PCDH15: variants seen among roughly 807,000 people sequenced by gnomAD.
The protein encoded by PCDH15 is protocadherin-15.
PCDH15 carries 129 observed loss-of-function variants against 178.5 expected under a neutral mutation model. The ratio of observed to expected loss-of-function variants is 0.72; its 90% CI spans 0.63 to 0.84. PCDH15 has a LOEUF of 0.84. Ranked by LOEUF, PCDH15 falls within the 40% of genes least tolerant of loss-of-function variation. The probability of loss-of-function intolerance (pLI) is 0.00; values close to 1 mark genes in which losing one functional copy is unlikely to be tolerated. For missense variants in PCDH15, 2,230 were observed against 2,099.9 expected (o/e 1.06, Z -1.21); for synonymous variants, 800 against 732.0 (o/e 1.09, Z -1.50).
chr10:55,467,357 C>T lies in PCDH15; in HGVS notation c.-156+160268G>A, dbSNP rs191820456. On this transcript the variant is annotated intron_variant, in intron 2 of 5. Transcript: ENST00000613346. ...AAAGGAAACAGGAGGAAAAGAAAAG[C>T]CTGATCTTGGCCTGACTTTTTTTTT... Among the ~76,000 whole-genome samples the T allele has an allele frequency of 6.8e-4, 99 of 146,354 alleles. 1 individual carries two copies. The highest frequency in any genetic ancestry group is 1.7e-3 in the Admixed American group (25 of 14,470).
At chr10:55,481,214 G>C (rs1387708242) in intron 2 of PCDH15, among the ~76,000 whole-genome samples, 1 of 151,488 alleles carries the variant, frequency 6.6e-6, no homozygotes, top group Non-Finnish European at 1.5e-5. Flanking sequence ...GTATTTATTT[G>C]AATCTTTTCT....
intron 2 of PCDH15, among the ~76,000 whole-genome samples, chr10:55,079,901 A>C (rs573303847): frequency 6.6e-6 from 1 of 152,064 alleles, no homozygotes; most frequent in Non-Finnish European, 1.5e-5. Context: ...GGACTGGTAA[A>C]GATAAACTGA....
chr10:55,399,540 T>G (rs528893914), intron 2 of PCDH15, among the ~76,000 whole-genome samples: 10 of 152,286 alleles, frequency 6.6e-5, no homozygotes, highest in Admixed American at 5.9e-4. Context: ...TGACAAATTC[T>G]GCTTCAATCC....
intron 2 of PCDH15, among the ~76,000 whole-genome samples, chr10:55,105,818 T>C (rs1007088198): frequency 6.6e-6 from 1 of 152,118 alleles, no homozygotes; most frequent in Non-Finnish European, 1.5e-5. Context: ...CATTTTCTTC[T>C]TGAAAAAAAA....
chr10:54,209,678 G>A (rs146686841), intron 10 of PCDH15, among the ~76,000 whole-genome samples: 384 of 152,160 alleles, frequency 2.5e-3, no homozygotes, highest in Non-Finnish European at 4.1e-3. Flanking sequence ...AAAGATGTCC[G>A]TAGGCATCAG....
chr10:55,385,576 C>G (rs972439437), intron 2 of PCDH15, among the ~76,000 whole-genome samples: 2 of 151,054 alleles, frequency 1.3e-5, no homozygotes, highest in African/African-American at 2.4e-5. Flanking sequence ...ATATATGGCT[C>G]TAATTACAAG....
chr10:54,189,725 T>G (rs545181748), intron 11 of PCDH15, among the ~76,000 whole-genome samples: 1 of 152,248 alleles, frequency 6.6e-6, no homozygotes, highest in African/African-American at 2.4e-5. Flanking sequence ...TTTGTCATTT[T>G]TTATGATCAG....
At chr10:54,979,845 T>C (rs1379952599) in intron 2 of PCDH15, among the ~76,000 whole-genome samples, 11 of 152,168 alleles carry the variant, frequency 7.2e-5, no homozygotes, top group Admixed American at 5.9e-4. Context: ...TAACATATTG[T>C]AACATAAAAA....
chr10:54,183,393 C>A (rs1325635161), intron 13 of PCDH15, 51 bp downstream of exon 13: 4 of 1,508,248 alleles, frequency 2.7e-6, no homozygotes, highest in Non-Finnish European at 3.7e-6. Context: ...TCGTATAATG[C>A]ACATGTAAAT....
intron 2 of PCDH15, among the ~76,000 whole-genome samples, chr10:55,622,166 A>G (rs1237935318): frequency 7.3e-6 from 1 of 136,896 alleles, no homozygotes; most frequent in Admixed American, 8.1e-5. Flanking sequence ...TATATATATT[A>G]TATATATTAT....
intron 1 of PCDH15, among the ~76,000 whole-genome samples, chr10:54,702,035 T>A (rs2095313984): frequency 6.6e-6 from 1 of 151,966 alleles, no homozygotes; most frequent in Admixed American, 6.6e-5. Context: ...ACATACTATA[T>A]AATCAACCAC....
intron 1 of PCDH15, among the ~76,000 whole-genome samples, chr10:54,797,507 AACACACACACACACACACACAC>A (rs71014418): frequency 6.9e-6 from 1 of 145,182 alleles, no homozygotes; most frequent in Non-Finnish European, 1.5e-5. Context: ...TTATTGTTGA[AACACACACACACACACACACAC>A]ACACACACAC....
rs945188589 is a variant in PCDH15, at chr10:54,330,384, T to C, written c.595-678A>G. On this transcript the variant is annotated intron_variant, in intron 6 of 37. Coordinates refer to ENST00000644397, the MANE Select transcript of PCDH15 (RefSeq NM_001384140.1). ...TCACTGTACTGAATGCTATAGGCAA[T>C]TGTAACACAATGGTCAGTATTTTCT... Among the ~76,000 whole-genome samples, 7 of 152,032 alleles carry C rather than the reference T, an allele frequency of 4.6e-5. No homozygotes were observed. In the South Asian group the frequency reaches 8.3e-4, roughly 18 times the overall value.
chr10:55,494,498 G>A (rs1451315096), intron 2 of PCDH15, among the ~76,000 whole-genome samples: 1 of 151,198 alleles, frequency 6.6e-6, no homozygotes, highest in African/African-American at 2.4e-5. Flanking sequence ...TATTCTTTTT[G>A]AATTTTTCCT....
chr10:54,006,239 C>T (rs1466295271), intron 20 of PCDH15, among the ~76,000 whole-genome samples: 2 of 152,074 alleles, frequency 1.3e-5, no homozygotes, highest in African/African-American at 4.8e-5. Flanking sequence ...GATATTTTCT[C>T]CTGCTATCAC....
intron 1 of PCDH15, among the ~76,000 whole-genome samples, chr10:55,248,245 T>A (rs1260022013): frequency 6.6e-6 from 1 of 151,930 alleles, no homozygotes. Context: ...ATACTATATA[T>A]CAGATTTTAT....
At chr10:54,140,243 G>A (rs895065444) in intron 14 of PCDH15, among the ~76,000 whole-genome samples, 2 of 152,074 alleles carry the variant, frequency 1.3e-5, no homozygotes, top group African/African-American at 4.8e-5. Flanking sequence ...GTAACATGGA[G>A]CCAAATTTCA....
chr10:55,156,035 A>G (rs987174385), intron 2 of PCDH15, among the ~76,000 whole-genome samples: 1 of 152,102 alleles, frequency 6.6e-6, no homozygotes, highest in African/African-American at 2.4e-5. Flanking sequence ...TGATCACAGG[A>G]AACCCACGAA....
At chr10:54,130,120 A>G (rs1052563412) in intron 15 of PCDH15, among the ~76,000 whole-genome samples, 9 of 151,710 alleles carry the variant, frequency 5.9e-5, no homozygotes, top group African/African-American at 2.2e-4. Flanking sequence ...TAGATAAAAA[A>G]TTCAGACAGA....
Sources: gnomAD v4.1 joint callset for allele counts (sites outside exome capture counted in the v4.1 genomes callset) on GRCh38, gnomAD v4.1.1 for gene constraint, MANE v1.5 for transcripts, NCBI Gene and HGNC (gene_info 2026-07-23, HGNC 2026-07-21) for gene names.